UNC5C: variants seen among roughly 807,000 people sequenced by gnomAD.
The protein encoded by UNC5C is netrin receptor UNC5C.
UNC5C carries 47 observed loss-of-function variants against 99.8 expected under a neutral mutation model. That is an observed-to-expected ratio of 0.47 (90% CI 0.37 to 0.60). UNC5C has a LOEUF of 0.60. Ranked by LOEUF, UNC5C falls within the 20% of genes least tolerant of loss-of-function variation. The pLI, the probability that UNC5C is intolerant of heterozygous loss-of-function variation, is 0.00. For missense variants in UNC5C, 1,062 were observed against 1,165.9 expected (o/e 0.91, Z 1.30); for synonymous variants, 487 against 452.2 (o/e 1.08, Z -0.98).
At chr4:95,385,707 A>G (rs1195341833) in intron 1 of UNC5C, among the ~76,000 whole-genome samples, 2 of 152,210 alleles carry the variant, frequency 1.3e-5, no homozygotes, top group South Asian at 2.1e-4. Context: ...CAGTCCCATC[A>G]TGATTCTTCC....
chr4:95,172,697 G>T (rs1371501308), intron 14 of UNC5C, among the ~76,000 whole-genome samples: 2 of 151,764 alleles, frequency 1.3e-5, no homozygotes, highest in African/African-American at 4.9e-5. Context: ...TTGTTCTTTT[G>T]GCTTAGGATT....
intron 3 of UNC5C, among the ~76,000 whole-genome samples, chr4:95,299,301 G>A (rs1428876056): frequency 2.0e-5 from 3 of 152,178 alleles, no homozygotes; most frequent in Non-Finnish European, 4.4e-5. Context: ...AGCAAGCCAA[G>A]AAGAGCGGCC....
intron 1 of UNC5C, among the ~76,000 whole-genome samples, chr4:95,432,012 A>G (rs537171883): frequency 6.6e-6 from 1 of 152,258 alleles, no homozygotes; most frequent in Admixed American, 6.5e-5. Flanking sequence ...CAAATGTAAG[A>G]GATGTAAAAG....
At chr4:95,354,448 C>T (rs1008389852) in intron 1 of UNC5C, among the ~76,000 whole-genome samples, 2 of 135,652 alleles carry the variant, frequency 1.5e-5, no homozygotes, top group Admixed American at 7.2e-5. Flanking sequence ...ACTTTTCTAT[C>T]GTATTTTACC....
At chr4:95,258,743 A>ATTT (rs1740102405) in intron 4 of UNC5C, among the ~76,000 whole-genome samples, 1 of 85,864 alleles carries the variant, frequency 1.2e-5, no homozygotes, top group East Asian at 4.4e-4. Context: ...CGACCATCTT[A>ATTT]TTCTTTTTTT....
chr4:95,431,369 A>T (rs1039644495), intron 1 of UNC5C, among the ~76,000 whole-genome samples: 2 of 152,032 alleles, frequency 1.3e-5, no homozygotes, highest in Non-Finnish European at 2.9e-5. Flanking sequence ...CTGAATTGAA[A>T]TCTCTGGTAA....
chr4:95,240,275 T>C (rs1475895943), intron 7 of UNC5C, among the ~76,000 whole-genome samples: 1 of 152,198 alleles, frequency 6.6e-6, no homozygotes, highest in African/African-American at 2.4e-5. Flanking sequence ...TCCAAAATAA[T>C]GGCCAAACAA....
At chr4:95,183,888 G>A (rs941569795) in intron 13 of UNC5C, among the ~76,000 whole-genome samples, 1 of 152,194 alleles carries the variant, frequency 6.6e-6, no homozygotes, top group Non-Finnish European at 1.5e-5. Context: ...CTTCTCATTC[G>A]TAGGTCTGCT....
chr4:95,246,114 A>AT (rs546822603), intron 5 of UNC5C, among the ~76,000 whole-genome samples: 3 of 152,288 alleles, frequency 2.0e-5, no homozygotes, highest in South Asian at 4.1e-4. Context: ...AGACAGAAAC[A>AT]TTTTTTACAG....
At chr4:95,290,068 C>G (rs1051996463) in intron 3 of UNC5C, among the ~76,000 whole-genome samples, 1 of 152,026 alleles carries the variant, frequency 6.6e-6, no homozygotes, top group Non-Finnish European at 1.5e-5. Flanking sequence ...CTTTGAGAGG[C>G]CAAGATTGGG....
intron 1 of UNC5C, among the ~76,000 whole-genome samples, chr4:95,540,081 T>C (rs1398561113): frequency 2.0e-5 from 3 of 152,182 alleles, no homozygotes; most frequent in Non-Finnish European, 4.4e-5. Flanking sequence ...TAGCATTTTA[T>C]AAAACCCCTG....
chr4:95,425,969 T>G (rs1746472665), intron 1 of UNC5C, among the ~76,000 whole-genome samples: 1 of 152,200 alleles, frequency 6.6e-6, no homozygotes, highest in African/African-American at 2.4e-5. Context: ...TCCTTTTACA[T>G]TTTTTCATTC....
chr4:95,236,800 G>C (rs1054646921), intron 7 of UNC5C, among the ~76,000 whole-genome samples: 1 of 152,042 alleles, frequency 6.6e-6, no homozygotes, highest in African/African-American at 2.4e-5. Context: ...CATAAATGAT[G>C]TTCCATTTAA....
chr4:95,170,972 T>C (rs2149343739), intron 14 of UNC5C, among the ~76,000 whole-genome samples: 1 of 152,372 alleles, frequency 6.6e-6, no homozygotes, highest in South Asian at 2.1e-4. Context: ...ATCCTCCAAT[T>C]GCTGTATATC....
intron 1 of UNC5C, among the ~76,000 whole-genome samples, chr4:95,377,999 A>G (rs1383811746): frequency 6.6e-6 from 1 of 152,094 alleles, no homozygotes; most frequent in Admixed American, 6.6e-5. Flanking sequence ...CCTTCCAATA[A>G]TTATTTTCAA....
intron 1 of UNC5C, among the ~76,000 whole-genome samples, chr4:95,517,702 C>T (rs527892476): frequency 6.6e-6 from 1 of 152,196 alleles, no homozygotes; most frequent in South Asian, 2.1e-4. Context: ...TACCAAAAAA[C>T]GGGATACCAA....
intron 4 of UNC5C, among the ~76,000 whole-genome samples, chr4:95,271,597 A>AAT (rs1357093819): frequency 5.3e-5 from 8 of 152,210 alleles, no homozygotes; most frequent in Non-Finnish European, 8.8e-5. Flanking sequence ...GGTCTGCTGA[A>AAT]CTTCCACATG....
At chr4:95,443,209 A>G (rs1277029310) in intron 1 of UNC5C, among the ~76,000 whole-genome samples, 1 of 152,216 alleles carries the variant, frequency 6.6e-6, no homozygotes, top group Non-Finnish European at 1.5e-5. Context: ...AGACAGCAAG[A>G]AAGTCAGTGT....
chr4:95,405,371 C>T (rs538044702), intron 1 of UNC5C, among the ~76,000 whole-genome samples: 1 of 152,148 alleles, frequency 6.6e-6, no homozygotes, highest in African/African-American at 2.4e-5. Context: ...CTCTGTCACA[C>T]GTCTTGTGGC....
Sources: gnomAD v4.1 joint callset for allele counts (sites outside exome capture counted in the v4.1 genomes callset) on GRCh38, gnomAD v4.1.1 for gene constraint, MANE v1.5 for transcripts, NCBI Gene and HGNC (gene_info 2026-07-23, HGNC 2026-07-21) for gene names.